Variants in SHROOM3 observed in about 807,000 individuals in gnomAD.
SHROOM3 encodes shroom family member 3, also known as protein Shroom3.
In SHROOM3, 47 loss-of-function variants were observed where a neutral mutation model predicts 138.6. The observed-to-expected ratio is 0.34, with a 90% CI of 0.27 to 0.43. The LOEUF is 0.43. Ranked by LOEUF, SHROOM3 falls within the 20% of genes least tolerant of loss-of-function variation. SHROOM3 has a pLI of 1.00. For synonymous variants in SHROOM3, 1,062 were observed against 1,063.3 expected, an observed-to-expected ratio of 1.00 and a Z score of 0.02; for missense variants, 2,491 against 2,596.5, an observed-to-expected ratio of 0.96 and a Z score of 0.88.
intron 2 of SHROOM3, among the ~76,000 whole-genome samples, chr4:76,693,153 G>A (rs1255419128): frequency 2.6e-5 from 4 of 152,146 alleles, no homozygotes; most frequent in African/African-American, 9.7e-5. Flanking sequence ...TTGTTGCAAA[G>A]ATTGAGTTAA....
At chr4:76,733,842 G>T (rs1315851301) in intron 4 of SHROOM3, among the ~76,000 whole-genome samples, 1 of 152,168 alleles carries the variant, frequency 6.6e-6, no homozygotes, top group African/African-American at 2.4e-5. Flanking sequence ...GAGAGAGAAA[G>T]AGAAGTATGG....
At chr4:76,532,777 C>CT (rs1732860080) in intron 1 of SHROOM3, among the ~76,000 whole-genome samples, 1 of 152,112 alleles carries the variant, frequency 6.6e-6, no homozygotes, top group Non-Finnish European at 1.5e-5. Context: ...AGAACTTCCA[C>CT]TTTTTTACTT....
rs1491306498 is a variant in SHROOM3, at chr4:76,596,624, A to ACACT, written c.323+40862_323+40863insACTC. Among the ~76,000 whole-genome samples the ACACT allele has an allele frequency of 4.2e-4, 59 of 141,598 alleles. 1 individual carries two copies. Among genetic ancestry groups the ACACT allele is most frequent in the African/African-American group, 7.6e-4 (29 of 38,156 alleles). 92.9% of individuals were successfully genotyped at this position (141,598 alleles called of 152,430 possible). On this transcript the variant is annotated intron_variant, in intron 2 of 10. Coordinates refer to ENST00000296043, the MANE Select transcript of SHROOM3 (RefSeq NM_020859.4). ...CACACACACACACACACACACACAC[A>ACACT]CTCTCCAACAGATGCTGCCTCTCCC...
intron 1 of SHROOM3, among the ~76,000 whole-genome samples, chr4:76,484,861 T>C (rs2031338564): frequency 6.6e-6 from 1 of 152,134 alleles, no homozygotes; most frequent in Admixed American, 6.6e-5. Flanking sequence ...CGCTTCCCTC[T>C]CTGGGACCCA....
intron 1 of SHROOM3, among the ~76,000 whole-genome samples, chr4:76,536,980 G>T (rs1273577511): frequency 6.6e-6 from 1 of 152,146 alleles, no homozygotes; most frequent in Non-Finnish European, 1.5e-5. Context: ...AGGTGTGGTG[G>T]CAGGAGCCTG....
At chr4:76,524,706 C>T (rs977655141) in intron 1 of SHROOM3, among the ~76,000 whole-genome samples, 6 of 152,202 alleles carry the variant, frequency 3.9e-5, no homozygotes, top group African/African-American at 1.4e-4. Context: ...GCCACTGATA[C>T]AGAGAGTTGG....
chr4:76,716,411 G>A (rs758355489), intron 3 of SHROOM3: 2 of 518,880 alleles, frequency 3.9e-6, no homozygotes, highest in Non-Finnish European at 7.7e-6. Flanking sequence ...TTGCCACAAG[G>A]TAAGTTCAGT....
At chr4:76,498,022 T>C (rs1023574665) in intron 1 of SHROOM3, among the ~76,000 whole-genome samples, 1 of 152,196 alleles carries the variant, frequency 6.6e-6, no homozygotes, top group Non-Finnish European at 1.5e-5. Flanking sequence ...TGGATGGTTT[T>C]AGCAGGGAAG....
At chr4:76,481,972 T>G (rs1000720038) in intron 1 of SHROOM3, among the ~76,000 whole-genome samples, 2 of 152,158 alleles carry the variant, frequency 1.3e-5, no homozygotes, top group African/African-American at 4.8e-5. Flanking sequence ...TGCTAAAAAC[T>G]CTCAATAAAC....
At chr4:76,687,985 C>G (rs1245007351) in intron 2 of SHROOM3, among the ~76,000 whole-genome samples, 1 of 152,212 alleles carries the variant, frequency 6.6e-6, no homozygotes, top group Non-Finnish European at 1.5e-5. Context: ...TTACTCCCCC[C>G]CACGCGCAAT....
At chr4:76,529,922 G>A (rs1334018417) in intron 1 of SHROOM3, among the ~76,000 whole-genome samples, 2 of 152,194 alleles carry the variant, frequency 1.3e-5, no homozygotes, top group Non-Finnish European at 2.9e-5. Context: ...CTGGACTCCA[G>A]TCATGTGATT....
rs1213506468 is a variant in SHROOM3, at chr4:76,782,887, A to G, written c.*3710A>G. On this transcript the variant is annotated 3_prime_UTR_variant, in exon 11 of 11. Transcript: ENST00000296043. Reference sequence around the variant, plus strand: ...TGATAAAGACCATTTTAATATCAGAAAGGGTTGTCTTATTAATTTTTAAAT... The same window carrying G: ...TGATAAAGACCATTTTAATATCAGAGAGGGTTGTCTTATTAATTTTTAAAT... The G allele has an allele frequency of 6.6e-6, 1 of 152,218 alleles. No homozygotes were observed. Among genetic ancestry groups the G allele is most frequent in the East Asian group, 1.9e-4 (1 of 5,204 alleles). 9.4% of individuals were successfully genotyped at this position (152,218 alleles called of 1,614,324 possible).
intron 2 of SHROOM3, among the ~76,000 whole-genome samples, chr4:76,598,190 C>A (rs894881790): frequency 6.6e-6 from 1 of 152,010 alleles, no homozygotes. Context: ...CCACGCCTGG[C>A]TAATTTTTTG....
At chr4:76,551,114 T>A (rs986704174) in intron 1 of SHROOM3, among the ~76,000 whole-genome samples, 4 of 146,766 alleles carry the variant, frequency 2.7e-5, no homozygotes, top group African/African-American at 2.5e-5. Context: ...CAAGCGATCC[T>A]CCCACCTCAG....
chr4:76,581,590 G>A (rs11938697), intron 2 of SHROOM3, among the ~76,000 whole-genome samples: 39,948 of 152,100 alleles, frequency 0.26, 6,755 homozygotes, highest in Middle Eastern at 0.44. Context: ...AAAAATGATT[G>A]CCTGAGTGTA....
chr4:76,774,603 A>AT (rs1045509065), intron 10 of SHROOM3, among the ~76,000 whole-genome samples: 5 of 151,672 alleles, frequency 3.3e-5, no homozygotes, highest in African/African-American at 1.2e-4. Flanking sequence ...TATTTTATAT[A>AT]TTTTTTAAGG....
chr4:76,745,744 G>A lies in SHROOM3; in HGVS notation c.3754-3273G>A, dbSNP rs145072169. 5.5e-3 allele frequency among the ~76,000 whole-genome samples: 831 copies of A among 152,320 alleles called. 6 individuals are homozygous for A. Among genetic ancestry groups the A allele is most frequent in the African/African-American group, 0.017 (709 of 41,560 alleles). ...ACCTGTAATCCCAGCACCTTGGGAG[G>A]CCGAGGTGGCTAGATTGCTTGAGGC... On this transcript the variant is annotated intron_variant, in intron 5 of 10. Coordinates refer to ENST00000296043, the MANE Select transcript of SHROOM3 (RefSeq NM_020859.4).
chr4:76,694,043 G>A (rs1264127870), intron 2 of SHROOM3, among the ~76,000 whole-genome samples: 1 of 152,104 alleles, frequency 6.6e-6, no homozygotes, highest in Admixed American at 6.5e-5. Flanking sequence ...TTTGGACAGA[G>A]TGGTAAATTT....
chr4:76,640,162 T>A (rs1577943311), intron 2 of SHROOM3, among the ~76,000 whole-genome samples: 1 of 152,178 alleles, frequency 6.6e-6, no homozygotes, highest in Admixed American at 6.5e-5. Context: ...ATTTGTTTTG[T>A]ATACCCTGTG....
Sources: gnomAD v4.1 joint callset for allele counts (sites outside exome capture counted in the v4.1 genomes callset) on GRCh38, gnomAD v4.1.1 for gene constraint, MANE v1.5 for transcripts, NCBI Gene and HGNC (gene_info 2026-07-23, HGNC 2026-07-21) for gene names.